REC114: variants seen among roughly 807,000 people sequenced by gnomAD.
The protein encoded by REC114 is REC114 meiotic recombination protein.
In REC114, 27 loss-of-function variants were observed where a neutral mutation model predicts 31.3. The observed-to-expected ratio is 0.86, with a 90% confidence interval of 0.64 to 1.19. The LOEUF (loss-of-function observed/expected upper bound fraction) is 1.19, where lower values mean the gene tolerates loss of function less well. Among genes scored for constraint, REC114 ranks in the 50% most tolerant of loss-of-function variants. The probability of loss-of-function intolerance (pLI) is 0.00; values close to 1 mark genes in which losing one functional copy is unlikely to be tolerated. For missense variants in REC114, 344 were observed against 326.9 expected (o/e 1.05, Z -0.40); for synonymous variants, 134 against 127.7 (o/e 1.05, Z -0.33).
intron 2 of REC114, among the ~76,000 whole-genome samples, chr15:73,476,066 G>C (rs1893209343): frequency 6.6e-6 from 1 of 152,122 alleles, no homozygotes; most frequent in South Asian, 2.1e-4. Flanking sequence ...CACATATGTA[G>C]TAGGCTGTAC....
At chr15:73,510,982 CT>C (rs1893756699) in intron 2 of REC114, among the ~76,000 whole-genome samples, 1 of 152,158 alleles carries the variant, frequency 6.6e-6, no homozygotes, top group South Asian at 2.1e-4. Context: ...AGGATTCCCT[CT>C]TTTTGTATTG....
At chr15:73,463,166 T>G (rs1184567427) in intron 1 of REC114, among the ~76,000 whole-genome samples, 1 of 152,146 alleles carries the variant, frequency 6.6e-6, no homozygotes, top group Non-Finnish European at 1.5e-5. Context: ...TTGTGATTGA[T>G]TGGTGTATCT....
chr15:73,461,900 TTTTTCTTTTTCTTTTTC>T (rs1284494049), intron 1 of REC114, among the ~76,000 whole-genome samples: 3,822 of 147,934 alleles, frequency 0.026, 88 homozygotes, highest in Middle Eastern at 0.094. Flanking sequence ...AGAGATAACA[TTTTTCTTTTTCTTTTTC>T]TTTTCTTTTT....
chr15:73,532,150 A>G (rs974457643), intron 2 of REC114, among the ~76,000 whole-genome samples: 8 of 150,006 alleles, frequency 5.3e-5, no homozygotes, highest in African/African-American at 2.0e-4. Context: ...CCACCCCACA[A>G]CAGTCCCCAG....
intron 2 of REC114, among the ~76,000 whole-genome samples, chr15:73,515,174 TCC>T (rs1225502976): frequency 8.4e-4 from 128 of 152,206 alleles, no homozygotes; most frequent in Non-Finnish European, 1.4e-3. Context: ...CAAGCAACCC[TCC>T]CACCTTGGCC....
chr15:73,546,815 A>AT (rs1485489913), intron 3 of REC114, among the ~76,000 whole-genome samples: 10 of 109,462 alleles, frequency 9.1e-5, no homozygotes, highest in Non-Finnish European at 1.6e-4. Flanking sequence ...ACTCTGTCTC[A>AT]GGAAAAAAAA....
At chr15:73,476,987 A>G (rs1893223705) in intron 2 of REC114, among the ~76,000 whole-genome samples, 1 of 152,242 alleles carries the variant, frequency 6.6e-6, no homozygotes, top group African/African-American at 2.4e-5. Context: ...TAAGCAACGT[A>G]TGAGGGTTCC....
At position 73,541,538 on chromosome 15, in the gene REC114, T is replaced by G. The variant is rs576931349; in HGVS notation, c.333+970T>G. On this transcript the variant is annotated intron_variant, in intron 3 of 5. Coordinates refer to ENST00000331090, the MANE Select transcript of REC114 (RefSeq NM_001042367.2). ...CAGTATAATTGGTTTCTTTGTAAAC[T>G]TGTGCATTTTGTGTGATTAAAAACA... is the stretch of plus-strand genomic sequence containing the variant. Among the ~76,000 whole-genome samples, 4 of 152,330 alleles carry G rather than the reference T, an allele frequency of 2.6e-5. No homozygotes were observed. In the East Asian group the frequency reaches 7.7e-4, roughly 29 times the overall value.
At chr15:73,537,494 CT>C (rs1431145188) in intron 2 of REC114, among the ~76,000 whole-genome samples, 6 of 152,030 alleles carry the variant, frequency 3.9e-5, no homozygotes, top group African/African-American at 7.3e-5. Flanking sequence ...GTATCCCCCC[CT>C]GAATCAACTC....
At chr15:73,556,720 G>T (rs1894473913) in intron 5 of REC114, among the ~76,000 whole-genome samples, 1 of 152,152 alleles carries the variant, frequency 6.6e-6, no homozygotes, top group South Asian at 2.1e-4. Flanking sequence ...GGACTCCATT[G>T]TAATTATGGA....
intron 1 of REC114, among the ~76,000 whole-genome samples, chr15:73,464,134 T>C (rs759639148): frequency 1.3e-5 from 2 of 152,062 alleles, no homozygotes; most frequent in African/African-American, 4.8e-5. Context: ...GAATCTTTGC[T>C]CCGTGTATCT....
chr15:73,468,499 T>G (rs1274943064), intron 1 of REC114, among the ~76,000 whole-genome samples: 1 of 152,150 alleles, frequency 6.6e-6, no homozygotes, highest in Non-Finnish European at 1.5e-5. Context: ...GATGATCATG[T>G]TGTCTGTGAA....
At chr15:73,539,282 ATTTTTTTTTT>A (rs753968018) in intron 2 of REC114, among the ~76,000 whole-genome samples, 4 of 70,814 alleles carry the variant, frequency 5.6e-5, no homozygotes, top group Non-Finnish European at 9.7e-5. Context: ...TTCAGAACTG[ATTTTTTTTTT>A]TTTTTTTTTT....
chr15:73,493,758 G>GT (rs1466013353), intron 2 of REC114, among the ~76,000 whole-genome samples: 1 of 152,124 alleles, frequency 6.6e-6, no homozygotes, highest in Non-Finnish European at 1.5e-5. Flanking sequence ...TAAGGAATCA[G>GT]TTTTTTGCTA....
Position 73,484,694 on chromosome 15 carries a change from C to T in REC114, c.249+10773C>T, listed in dbSNP as rs55812804. On this transcript the variant is annotated intron_variant, in intron 2 of 5. Transcript: ENST00000331090. ...TTCCCAAGGCTTTAGCCTCTATTTCCAGCCATTCCTTTTTATCTCAGTTGG... is the reference window on the plus strand; with the variant it reads ...TTCCCAAGGCTTTAGCCTCTATTTCTAGCCATTCCTTTTTATCTCAGTTGG... 1.1e-3 allele frequency among the ~76,000 whole-genome samples: 160 copies of T among 152,274 alleles called. 1 individual carries two copies. Among genetic ancestry groups the T allele is most frequent in the African/African-American group, 3.8e-3 (156 of 41,564 alleles).
chr15:73,470,110 T>A (rs1168696320), intron 1 of REC114, among the ~76,000 whole-genome samples: 1 of 152,210 alleles, frequency 6.6e-6, no homozygotes. Flanking sequence ...GGTGTTTACA[T>A]TTAAATGTAC....
At chr15:73,544,843 G>GTC (rs1894286921) in intron 3 of REC114, among the ~76,000 whole-genome samples, 1 of 152,218 alleles carries the variant, frequency 6.6e-6, no homozygotes, top group African/African-American at 2.4e-5. Context: ...TTCAGTTGGG[G>GTC]TCTTAGTGGT....
chr15:73,524,995 A>G (rs1017321719), intron 2 of REC114, among the ~76,000 whole-genome samples: 2 of 152,236 alleles, frequency 1.3e-5, no homozygotes, highest in African/African-American at 4.8e-5. Context: ...TGGCTTTACC[A>G]GTATGATCCT....
chr15:73,463,690 G>C (rs560181295), intron 1 of REC114, among the ~76,000 whole-genome samples: 1 of 152,176 alleles, frequency 6.6e-6, no homozygotes, highest in East Asian at 1.9e-4. Context: ...GTATGGTGGC[G>C]CATGCCTGTA....
Sources: allele counts gnomAD v4.1 joint callset (sites outside exome capture counted in the v4.1 genomes callset), GRCh38; gene constraint gnomAD v4.1.1; transcripts MANE v1.5; gene names NCBI Gene and HGNC (gene_info 2026-07-23, HGNC 2026-07-21).